Variants in USP10 observed in about 807,000 individuals in gnomAD.
USP10 encodes ubiquitin specific peptidase 10, also known as ubiquitin carboxyl-terminal hydrolase 10.
In USP10, 22 loss-of-function variants were observed where a neutral mutation model predicts 84.5. The ratio of observed to expected loss-of-function variants is 0.26; its 90% CI spans 0.19 to 0.37. USP10 has a LOEUF of 0.37. USP10 is among the 10% of genes least tolerant of loss of function. USP10 has a pLI of 1.00. For synonymous variants in USP10, 454 were observed against 387.6 expected, an observed-to-expected ratio of 1.17 and a Z score of -2.01; for missense variants, 1,019 against 998.9, an observed-to-expected ratio of 1.02 and a Z score of -0.27.
intron 10 of USP10, among the ~76,000 whole-genome samples, chr16:84,765,517 C>T (rs1913756732): frequency 6.6e-6 from 1 of 151,142 alleles, no homozygotes; most frequent in African/African-American, 2.4e-5. Context: ...ATAAGTGAGA[C>T]CATGCAATAT....
At chr16:84,735,955 T>C (rs1227079874) in intron 2 of USP10, among the ~76,000 whole-genome samples, 1 of 134,972 alleles carries the variant, frequency 7.4e-6, no homozygotes. Context: ...TGGGGCGGCA[T>C]GTGGTTGGGC....
chr16:84,774,367 C>T (rs1209134421), intron 12 of USP10, among the ~76,000 whole-genome samples: 2 of 152,190 alleles, frequency 1.3e-5, no homozygotes, highest in African/African-American at 4.8e-5. Flanking sequence ...GTAAGTGGTA[C>T]TTCTGCGCAC....
In USP10 at chr16:84,772,704, C is replaced by T. The variant is rs142510993; in HGVS notation, c.2143+19C>T. 7.5e-3 allele frequency: 12,120 copies of T among 1,612,682 alleles called. 67 individuals are homozygous for T. The highest frequency in any genetic ancestry group is 9.9e-3 in the Middle Eastern group (60 of 6,058). ...AGTAAAGGTAATGCATACATAAGGTCGGGAGTGTTCGTGGTGACACACTCC... is the reference window on the plus strand; with the variant it reads ...AGTAAAGGTAATGCATACATAAGGTTGGGAGTGTTCGTGGTGACACACTCC... On this transcript the variant is annotated intron_variant, in intron 12 of 13. Transcript: ENST00000219473.
intron 10 of USP10, among the ~76,000 whole-genome samples, chr16:84,764,879 G>A (rs1426332541): frequency 1.4e-5 from 2 of 147,692 alleles, no homozygotes; most frequent in South Asian, 2.2e-4. Context: ...TGACTTAGGG[G>A]TAGGCAAAGG....
intron 1 of USP10, among the ~76,000 whole-genome samples, chr16:84,701,424 G>A (rs2150746927): frequency 6.6e-6 from 1 of 152,170 alleles, no homozygotes; most frequent in Admixed American, 6.5e-5. Context: ...CAAATGTATA[G>A]CCCAAAGATT....
intron 1 of USP10, among the ~76,000 whole-genome samples, chr16:84,726,866 C>T (rs1385355380): frequency 6.6e-6 from 1 of 152,266 alleles, no homozygotes; most frequent in Non-Finnish European, 1.5e-5. Context: ...ATTTCCTATG[C>T]AACCACAGGA....
At chr16:84,743,041 C>T (rs1356649309) in intron 3 of USP10, among the ~76,000 whole-genome samples, 2 of 152,186 alleles carry the variant, frequency 1.3e-5, no homozygotes, top group Non-Finnish European at 2.9e-5. Flanking sequence ...GCCCCAGGCA[C>T]ACCCGTTTCA....
intron 1 of USP10, among the ~76,000 whole-genome samples, chr16:84,731,957 T>G (rs1252092062): frequency 1.3e-5 from 2 of 152,330 alleles, no homozygotes; most frequent in Non-Finnish European, 2.9e-5. Context: ...TTTCAGAAGA[T>G]CATTTCTGAA....
chr16:84,702,804 C>G (rs960432444), intron 1 of USP10, among the ~76,000 whole-genome samples: 4 of 150,402 alleles, frequency 2.7e-5, no homozygotes, highest in Admixed American at 6.6e-5. Flanking sequence ...ATCAGCCTGA[C>G]CAATATAGTG....
intron 1 of USP10, among the ~76,000 whole-genome samples, chr16:84,715,900 T>C (rs1906952576): frequency 1.3e-5 from 2 of 152,320 alleles, no homozygotes; most frequent in Middle Eastern, 3.4e-3. Context: ...GCCACAGCAG[T>C]TTCAGGCTTC....
At chr16:84,752,380 A>T (rs1912032288) in intron 4 of USP10, among the ~76,000 whole-genome samples, 1 of 152,232 alleles carries the variant, frequency 6.6e-6, no homozygotes, top group Non-Finnish European at 1.5e-5. Flanking sequence ...AAAGAAGGTA[A>T]AATAGATACA....
In USP10 at chr16:84,745,257, C is replaced by T. The variant is rs545209976; in HGVS notation, c.776C>T (p.Ala259Val). 2.9e-5 allele frequency: 46 copies of T among 1,613,376 alleles called. No individual in the cohort carries two copies. Among genetic ancestry groups the T allele is most frequent in the Non-Finnish European group, 3.8e-5 (45 of 1,179,696 alleles). Residue 259 changes from alanine to valine, a missense_variant, in exon 4 of 14, where the codon GCT becomes GTT. Physicochemically the swap from Ala to Val is moderately conservative, Grantham distance 64 (BLOSUM62 0). Transcript: ENST00000219473. ...DFGQSCFPAE[A>V]GRDTLSRTAG... is the part of the protein sequence containing the mutation. ...GGTCAGTCCTGCTTCCCTGCAGAGG[C>T]TGGCAGAGACACCCTGTCAAGGACA...
intron 1 of USP10, among the ~76,000 whole-genome samples, chr16:84,711,415 G>A (rs531667335): frequency 2.6e-4 from 39 of 152,260 alleles, no homozygotes; most frequent in Non-Finnish European, 3.7e-4. Flanking sequence ...CAGAGAACTG[G>A]AACTTTATAA....
chr16:84,718,939 C>T lies in USP10; in HGVS notation c.22-14496C>T, dbSNP rs542239228. ...TCCCGAGTAGCTGAGATTACAGGCG[C>T]CCGCCACCGCACCCAGCTAATTTTC... On this transcript the variant is annotated intron_variant, in intron 1 of 13. Coordinates refer to ENST00000219473, the MANE Select transcript of USP10 (RefSeq NM_005153.3). 1.3e-4 allele frequency among the ~76,000 whole-genome samples: 20 copies of T among 151,676 alleles called. No individual in the cohort carries two copies. In the South Asian group the frequency reaches 4.0e-3, roughly 30 times the overall value.
At chr16:84,760,306 A>G in intron 8 of USP10, 31 bp downstream of exon 8, 4 of 1,554,452 alleles carry the variant, frequency 2.6e-6, no homozygotes, top group Non-Finnish European at 3.5e-6. Flanking sequence ...CACTAGTATC[A>G]AGTGTTGCCT....
Position 84,779,001 on chromosome 16 carries a change from G to T in USP10, c.2316G>T (p.Val772=), listed in dbSNP as rs375574756. ...WLRIDDQTVK[V]INQYQVVKPT... is the part of the protein sequence containing the mutation. ...GCATCGATGACCAGACAGTCAAGGT[G>T]ATCAACCAGTACCAGGTGGTGAAAC... The change falls in exon 14 of 14, where the codon GTG becomes GTT. Residue 772 remains valine (V), a synonymous_variant. Transcript: ENST00000219473. The T allele has an allele frequency of 2.4e-5, 38 of 1,613,922 alleles. No individual in the cohort carries two copies. The highest frequency in any genetic ancestry group is 3.4e-6 in the Non-Finnish European group (4 of 1,179,918).
At position 84,760,287 on chromosome 16, in the gene USP10, C is replaced by T; in HGVS notation, c.1554+12C>T. 1.3e-6 allele frequency: 2 copies of T among 1,586,296 alleles called. No homozygotes were observed. The highest frequency in any genetic ancestry group is 1.7e-6 in the Non-Finnish European group (2 of 1,163,714). On this transcript the variant is annotated intron_variant, in intron 8 of 13. Transcript: ENST00000219473. ...GCCTGTCTGAAAAGGTTTGAGACTTCTCTGTTGTCACTAGTATCAAGTGTT... is the reference window on the plus strand; with the variant it reads ...GCCTGTCTGAAAAGGTTTGAGACTTTTCTGTTGTCACTAGTATCAAGTGTT...
chr16:84,706,500 G>T (rs897407361), intron 1 of USP10, among the ~76,000 whole-genome samples: 8 of 147,354 alleles, frequency 5.4e-5, no homozygotes, highest in Non-Finnish European at 1.2e-4. Flanking sequence ...ATTTGTATAT[G>T]TATTTATATT....
chr16:84,740,023 G>A (rs1483792543), intron 2 of USP10, among the ~76,000 whole-genome samples: 3 of 152,332 alleles, frequency 2.0e-5, no homozygotes, highest in Admixed American at 6.5e-5. Flanking sequence ...GCATTTCATT[G>A]TAGCTGATTT....
Sources: gnomAD v4.1 joint callset for allele counts (sites outside exome capture counted in the v4.1 genomes callset) on GRCh38, gnomAD v4.1.1 for gene constraint, MANE v1.5 for transcripts, NCBI Gene and HGNC (gene_info 2026-07-23, HGNC 2026-07-21) for gene names.